Variants in MDFIC2 observed in about 807,000 individuals in gnomAD.
MDFIC2 encodes the protein myoD family inhibitor domain-containing protein 2.
intron 2 of MDFIC2, among the ~76,000 whole-genome samples, chr3:70,236,357 C>A (rs1170562293): frequency 5.3e-5 from 8 of 152,244 alleles, no homozygotes; most frequent in Non-Finnish European, 2.9e-5. Context: ...TATATATTCA[C>A]TTCTTGTATA....
At chr3:70,236,275 C>T (rs1239826065) in intron 2 of MDFIC2, among the ~76,000 whole-genome samples, 1 of 152,204 alleles carries the variant, frequency 6.6e-6, no homozygotes, top group East Asian at 1.9e-4. Context: ...CCAGAGACAT[C>T]ACTTTGAGAC....
intron 2 of MDFIC2, among the ~76,000 whole-genome samples, chr3:70,238,190 C>A (rs1416149014): frequency 6.6e-6 from 1 of 151,714 alleles, no homozygotes; most frequent in Non-Finnish European, 1.5e-5. Flanking sequence ...CGCATAGCAC[C>A]AATCCAGGCG....
intron 2 of MDFIC2, among the ~76,000 whole-genome samples, chr3:70,230,596 G>A (rs1198420062): frequency 6.6e-6 from 1 of 152,062 alleles, no homozygotes; most frequent in African/African-American, 2.4e-5. Context: ...TCTACTTATT[G>A]TTTATTATTT....
intron 3 of MDFIC2, among the ~76,000 whole-genome samples, chr3:70,197,561 C>A (rs1390845841): frequency 6.6e-6 from 1 of 152,174 alleles, no homozygotes; most frequent in African/African-American, 2.4e-5. Context: ...ATACAAGGGG[C>A]TTAAGAAGCA....
chr3:70,275,465 T>G (rs183764817), intron 2 of MDFIC2, among the ~76,000 whole-genome samples: 1,807 of 152,248 alleles, frequency 0.012, 35 homozygotes, highest in African/African-American at 0.041. Context: ...CACTGAGCAG[T>G]GATCATGCCA....
At chr3:70,270,767 C>A (rs1206278623) in intron 2 of MDFIC2, among the ~76,000 whole-genome samples, 1 of 152,172 alleles carries the variant, frequency 6.6e-6, no homozygotes, top group African/African-American at 2.4e-5. Flanking sequence ...CCATCATTCT[C>A]AGCAAACTAA....
At position 70,306,132 on chromosome 3, in the gene MDFIC2, C is replaced by A. The variant is rs141705728; in HGVS notation, c.88+5754G>T. Among the ~76,000 whole-genome samples the A allele has an allele frequency of 3.8e-3, 586 of 152,238 alleles. 2 individuals are homozygous for A. Among genetic ancestry groups the A allele is most frequent in the Non-Finnish European group, 6.1e-3 (418 of 68,018 alleles). The stretch of plus-strand genomic sequence containing the variant: ...ATTTATTTATTTATTGAGATGGAGT[C>A]TTGCTCTCTTACTCAGGCTGGAGTG... On this transcript the variant is annotated intron_variant, in intron 2 of 3. Coordinates refer to ENST00000567252, the MANE Select transcript of MDFIC2 (RefSeq NM_001364677.1).
At chr3:70,223,160 T>C (rs1701475427) in intron 2 of MDFIC2, among the ~76,000 whole-genome samples, 1 of 152,188 alleles carries the variant, frequency 6.6e-6, no homozygotes, top group South Asian at 2.1e-4. Flanking sequence ...TTTACGTCTA[T>C]TTGTAACAGG....
At chr3:70,293,763 A>G (rs893075671) in intron 2 of MDFIC2, among the ~76,000 whole-genome samples, 3 of 152,120 alleles carry the variant, frequency 2.0e-5, no homozygotes. Flanking sequence ...TAGGAAAAAT[A>G]TAACAATGAG....
chr3:70,264,133 T>C (rs868797569), intron 2 of MDFIC2, among the ~76,000 whole-genome samples: 21 of 152,358 alleles, frequency 1.4e-4, no homozygotes, highest in Middle Eastern at 6.8e-3. Context: ...ACAAAATATA[T>C]ATGTTTAAAA....
At chr3:70,256,802 A>T (rs1701820932) in intron 2 of MDFIC2, among the ~76,000 whole-genome samples, 1 of 152,200 alleles carries the variant, frequency 6.6e-6, no homozygotes, top group African/African-American at 2.4e-5. Context: ...AAACATATGT[A>T]ATATACTAAT....
chr3:70,244,785 T>A (rs558002843), intron 2 of MDFIC2, among the ~76,000 whole-genome samples: 1 of 152,362 alleles, frequency 6.6e-6, no homozygotes, highest in African/African-American at 2.4e-5. Flanking sequence ...CATATATAAA[T>A]ACATACACAT....
intron 2 of MDFIC2, among the ~76,000 whole-genome samples, chr3:70,274,638 C>CGGTGGGGA (rs1334339977): frequency 6.6e-6 from 1 of 151,918 alleles, no homozygotes; most frequent in African/African-American, 2.4e-5. Context: ...GGGGATGGAG[C>CGGTGGGGA]GGTGGGGAGG....
chr3:70,216,190 G>A (rs1200739883), intron 2 of MDFIC2, among the ~76,000 whole-genome samples: 3 of 150,036 alleles, frequency 2.0e-5, no homozygotes, highest in African/African-American at 7.3e-5. Context: ...TGCATATTAG[G>A]ATATATATTC....
At position 70,287,649 on chromosome 3, in the gene MDFIC2, G is replaced by A. The variant is rs934556637; in HGVS notation, c.88+24237C>T. Among the ~76,000 whole-genome samples, 130 of 151,830 alleles carry A rather than the reference G, an allele frequency of 8.6e-4. 2 individuals carry two copies. Among genetic ancestry groups the A allele is most frequent in the African/African-American group, 3.1e-3 (128 of 41,186 alleles). ...GAAGGAATGGTACCAGTTCCTCCTT[G>A]TACCTCTGGTAGAATTTGGCTGTGA... On this transcript the variant is annotated intron_variant, in intron 2 of 3. Coordinates refer to ENST00000567252, the MANE Select transcript of MDFIC2 (RefSeq NM_001364677.1).
At chr3:70,238,852 T>A (rs910252518) in intron 2 of MDFIC2, among the ~76,000 whole-genome samples, 3 of 152,138 alleles carry the variant, frequency 2.0e-5, no homozygotes, top group African/African-American at 7.2e-5. Context: ...CTCACAGAAT[T>A]GCATAGGAGG....
chr3:70,303,894 G>T (rs950058940), intron 2 of MDFIC2, among the ~76,000 whole-genome samples: 1 of 152,060 alleles, frequency 6.6e-6, no homozygotes, highest in East Asian at 1.9e-4. Flanking sequence ...TGTTGGCCAG[G>T]TTGGTCTAAA....
chr3:70,202,037 G>C (rs1330289030), intron 3 of MDFIC2, among the ~76,000 whole-genome samples: 1 of 152,154 alleles, frequency 6.6e-6, no homozygotes, highest in Admixed American at 6.6e-5. Context: ...GCTAACCACA[G>C]TGACTGTGGT....
At chr3:70,239,327 T>G (rs1701642702) in intron 2 of MDFIC2, among the ~76,000 whole-genome samples, 1 of 152,180 alleles carries the variant, frequency 6.6e-6, no homozygotes, top group Non-Finnish European at 1.5e-5. Flanking sequence ...AGTCTTACCC[T>G]AGCTATTAGG....
Sources: allele counts gnomAD v4.1 joint callset (sites outside exome capture counted in the v4.1 genomes callset), GRCh38; gene constraint gnomAD v4.1.1; transcripts MANE v1.5; gene names NCBI Gene and HGNC (gene_info 2026-07-23, HGNC 2026-07-21).